Variants in MIPEP observed in about 807,000 individuals in gnomAD.
MIPEP encodes mitochondrial intermediate peptidase.
Under a neutral mutation model 90.3 loss-of-function variants are expected in MIPEP, and 79 were observed. The ratio of observed to expected loss-of-function variants is 0.87; its 90% CI spans 0.73 to 1.05. The LOEUF is 1.05. Ranked by LOEUF, MIPEP falls within the 50% of genes least tolerant of loss-of-function variation. The pLI, the probability that MIPEP is intolerant of heterozygous loss-of-function variation, is 0.00. For synonymous variants in MIPEP, 334 were observed against 315.8 expected (o/e 1.06, Z -0.61); for missense variants, 940 against 905.6 (o/e 1.04, Z -0.49).
At chr13:23,763,135 A>G (rs1952565052) in intron 16 of MIPEP, among the ~76,000 whole-genome samples, 1 of 152,238 alleles carries the variant, frequency 6.6e-6, no homozygotes, top group Non-Finnish European at 1.5e-5. Flanking sequence ...CGTTTACAAC[A>G]TATACACAGT....
intron 10 of MIPEP, among the ~76,000 whole-genome samples, chr13:23,858,399 T>C (rs1049358973): frequency 5.4e-5 from 8 of 147,444 alleles, no homozygotes; most frequent in Non-Finnish European, 1.2e-4. Flanking sequence ...ACAATATATG[T>C]GTCCAAATAA....
rs575773408 is a variant in MIPEP at position 23,766,765 on chromosome 13, C to T, written c.1849-6548G>A. Among the ~76,000 whole-genome samples the T allele has an allele frequency of 4.6e-5, 7 of 152,368 alleles. No homozygotes were observed. In the East Asian group the frequency reaches 1.3e-3, roughly 29 times the overall value. ...AGTGGAACAGTTATTGTGGTGGACACACTCTCAGGAGGCCCCCATGACCCA... is the reference window on the plus strand; with the variant it reads ...AGTGGAACAGTTATTGTGGTGGACATACTCTCAGGAGGCCCCCATGACCCA... On this transcript the variant is annotated intron_variant, in intron 16 of 18. Transcript: ENST00000382172.
intron 15 of MIPEP, among the ~76,000 whole-genome samples, chr13:23,809,448 G>A (rs1014780828): frequency 4.0e-5 from 6 of 151,754 alleles, no homozygotes; most frequent in African/African-American, 1.5e-4. Context: ...AGGTTCAAGC[G>A]ATTCTCCTGC....
chr13:23,832,586 T>A (rs963718308), intron 14 of MIPEP, among the ~76,000 whole-genome samples: 4 of 152,068 alleles, frequency 2.6e-5, no homozygotes, highest in Admixed American at 2.0e-4. Context: ...CTGTGCTAAT[T>A]TGGAGCAACG....
chr13:23,797,570 T>C (rs1029057994), intron 16 of MIPEP, among the ~76,000 whole-genome samples: 2 of 152,210 alleles, frequency 1.3e-5, no homozygotes, highest in Admixed American at 1.3e-4. Context: ...GTCTGTCTGC[T>C]GGCTGCCGTG....
chr13:23,886,556 C>A, intron 1 of MIPEP, 50 bp from the exon 2 acceptor site: 2 of 1,425,158 alleles, frequency 1.4e-6, no homozygotes, highest in Non-Finnish European at 9.3e-7. Context: ...CAAAATTGTG[C>A]TTTTTTTATA....
chr13:23,777,534 C>T (rs181994438), intron 16 of MIPEP, among the ~76,000 whole-genome samples: 16 of 152,258 alleles, frequency 1.1e-4, no homozygotes, highest in African/African-American at 2.6e-4. Flanking sequence ...CTGGGTTTGA[C>T]GGTACACATG....
intron 16 of MIPEP, among the ~76,000 whole-genome samples, chr13:23,800,666 T>G (rs2137391779): frequency 6.6e-6 from 1 of 152,328 alleles, no homozygotes; most frequent in African/African-American, 2.4e-5. Flanking sequence ...ATTTATTGAC[T>G]TGTAAAGAAA....
Position 23,831,208 on chromosome 13 carries a change from C to T in MIPEP, c.1653+5032G>A, listed in dbSNP as rs571147844. Reference sequence around the variant, plus strand: ...GAAAGGTAAAAGTATCAGACTTTTGCTCATTTTCAGAAATTTACCTAAAAC... The same window carrying T: ...GAAAGGTAAAAGTATCAGACTTTTGTTCATTTTCAGAAATTTACCTAAAAC... On this transcript the variant is annotated intron_variant, in intron 14 of 18. Coordinates refer to ENST00000382172, the MANE Select transcript of MIPEP (RefSeq NM_005932.4). 2.6e-5 allele frequency among the ~76,000 whole-genome samples: 4 copies of T among 152,130 alleles called. No individual in the cohort carries two copies. In the South Asian group the frequency reaches 8.3e-4, roughly 32 times the overall value.
intron 18 of MIPEP, among the ~76,000 whole-genome samples, chr13:23,752,425 ATC>A (rs1379934629): frequency 6.6e-6 from 1 of 152,204 alleles, no homozygotes; most frequent in Non-Finnish European, 1.5e-5. Context: ...GCCTCAGCAT[ATC>A]TGTCTTTTTA....
intron 9 of MIPEP, among the ~76,000 whole-genome samples, 161 bp downstream of exon 9, chr13:23,862,141 T>G (rs1169646384): frequency 2.0e-5 from 3 of 152,014 alleles, no homozygotes; most frequent in Non-Finnish European, 4.4e-5. Flanking sequence ...GTTTGGGACA[T>G]AAGAATCAAA....
At chr13:23,822,186 T>C (rs758149500) in intron 14 of MIPEP, among the ~76,000 whole-genome samples, 24 of 152,228 alleles carry the variant, frequency 1.6e-4, no homozygotes, top group Non-Finnish European at 3.1e-4. Flanking sequence ...TATTGGAATA[T>C]AATATGCCAG....
At chr13:23,866,253 G>A (rs949587894) in intron 7 of MIPEP, among the ~76,000 whole-genome samples, 3 of 151,882 alleles carry the variant, frequency 2.0e-5, no homozygotes, top group Admixed American at 1.3e-4. Flanking sequence ...CTACTCCATC[G>A]ACACCGAAAA....
In MIPEP at chr13:23,843,200, G is replaced by C. The variant is rs79240601; in HGVS notation, c.1107-1712C>G. Among the ~76,000 whole-genome samples, 330 of 151,916 alleles carry C rather than the reference G, an allele frequency of 2.2e-3. 2 individuals are homozygous for C. The highest frequency in any genetic ancestry group is 7.1e-3 in the African/African-American group (295 of 41,440). On this transcript the variant is annotated intron_variant, in intron 10 of 18. Coordinates refer to ENST00000382172, the MANE Select transcript of MIPEP (RefSeq NM_005932.4). ...ATAGGAATTCTAGGCAGAAGCGACA[G>C]TATAACTAAAGTATGATGGCATAAA...
At chr13:23,797,294 A>G (rs1952973136) in intron 16 of MIPEP, among the ~76,000 whole-genome samples, 1 of 151,918 alleles carries the variant, frequency 6.6e-6, no homozygotes, top group African/African-American at 2.4e-5. Flanking sequence ...AAATCTACAG[A>G]GCTCCCACCT....
At chr13:23,818,142 C>T (rs1165379057) in intron 14 of MIPEP, among the ~76,000 whole-genome samples, 4 of 150,352 alleles carry the variant, frequency 2.7e-5, no homozygotes, top group South Asian at 2.1e-4. Flanking sequence ...TTTGGCTAGG[C>T]ACGTTGGTTC....
intron 3 of MIPEP, among the ~76,000 whole-genome samples, chr13:23,880,180 C>T (rs906213888): frequency 1.5e-4 from 23 of 152,138 alleles, no homozygotes; most frequent in Admixed American, 3.3e-4. Flanking sequence ...TTATATGAAT[C>T]GAAGGGTTTC....
intron 10 of MIPEP, among the ~76,000 whole-genome samples, chr13:23,857,909 T>C (rs919020374): frequency 1.3e-5 from 2 of 152,136 alleles, no homozygotes; most frequent in Admixed American, 6.6e-5. Flanking sequence ...TAATGCATAG[T>C]AATAAAAATA....
intron 10 of MIPEP, among the ~76,000 whole-genome samples, chr13:23,858,561 C>A (rs145332481): frequency 1.2e-3 from 187 of 151,842 alleles, no homozygotes; most frequent in Non-Finnish European, 1.6e-3. Context: ...ACATGCTGAG[C>A]CCCTACTCTG....
Sources: allele counts gnomAD v4.1 joint callset (sites outside exome capture counted in the v4.1 genomes callset), GRCh38; gene constraint gnomAD v4.1.1; transcripts MANE v1.5; gene names NCBI Gene and HGNC (gene_info 2026-07-23, HGNC 2026-07-21).